ITGBL1: variants seen among roughly 807,000 people sequenced by gnomAD.
ITGBL1 encodes the protein integrin beta-like protein 1.
A neutral mutation model predicts 68.5 loss-of-function variants in ITGBL1; 51 were observed. The ratio of observed to expected loss-of-function variants is 0.74; its 90% CI spans 0.59 to 0.94. ITGBL1 has a LOEUF of 0.94. Ranked by LOEUF, ITGBL1 falls within the 40% of genes least tolerant of loss-of-function variation. The pLI, the probability that ITGBL1 is intolerant of heterozygous loss-of-function variation, is 0.00. For synonymous variants in ITGBL1, 209 were observed against 227.3 expected (o/e 0.92, Z 0.72); for missense variants, 649 against 647.4 (o/e 1.00, Z -0.03).
intron 2 of ITGBL1, among the ~76,000 whole-genome samples, chr13:101,486,661 A>G (rs906357245): frequency 1.3e-5 from 2 of 152,218 alleles, no homozygotes; most frequent in African/African-American, 2.4e-5. Context: ...TCATATTTTA[A>G]AAGTCTAGAC....
chr13:101,643,439 G>A, intron 7 of ITGBL1, among the ~76,000 whole-genome samples: 1 of 151,976 alleles, frequency 6.6e-6, no homozygotes. Flanking sequence ...TGCTGAAGTT[G>A]CCTATCAGCT....
chr13:101,482,230 T>C (rs906114922), intron 2 of ITGBL1, among the ~76,000 whole-genome samples: 1 of 152,188 alleles, frequency 6.6e-6, no homozygotes, highest in Non-Finnish European at 1.5e-5. Context: ...TTTGACCCTT[T>C]AGGTGTGGGT....
chr13:101,509,647 T>C (rs1272022003), intron 2 of ITGBL1, among the ~76,000 whole-genome samples: 1 of 152,160 alleles, frequency 6.6e-6, no homozygotes, highest in East Asian at 1.9e-4. Context: ...AAACTGATCA[T>C]AGTGACTTCC....
intron 2 of ITGBL1, among the ~76,000 whole-genome samples, chr13:101,492,670 G>C (rs1175748956): frequency 1.3e-5 from 2 of 152,098 alleles, no homozygotes; most frequent in Non-Finnish European, 2.9e-5. Flanking sequence ...GAAAGGGTGA[G>C]ATTTTCCTTT....
At chr13:101,690,126 G>A (rs944160388) in intron 7 of ITGBL1, among the ~76,000 whole-genome samples, 1 of 152,146 alleles carries the variant, frequency 6.6e-6, no homozygotes, top group Admixed American at 6.5e-5. Context: ...TTGGAAATTG[G>A]TTACTATATT....
rs913140861 is a variant in ITGBL1, at chr13:101,564,976, C to T, written c.317-2723C>T. Reference sequence around the variant, plus strand: ...ACACTGCCACAAGCCAAGAAATGCCCAAGATTACCTGCAACCACCAGCAAC... The same window carrying T: ...ACACTGCCACAAGCCAAGAAATGCCTAAGATTACCTGCAACCACCAGCAAC... On this transcript the variant is annotated intron_variant, in intron 2 of 10. Coordinates refer to ENST00000376180, the MANE Select transcript of ITGBL1 (RefSeq NM_004791.3). Among the ~76,000 whole-genome samples, 3 of 151,900 alleles carry T rather than the reference C, an allele frequency of 2.0e-5. 1 individual carries two copies. The highest frequency in any genetic ancestry group is 1.3e-4 in the Admixed American group (2 of 15,208).
At chr13:101,469,812 T>C (rs950739158) in intron 2 of ITGBL1, among the ~76,000 whole-genome samples, 9 of 152,216 alleles carry the variant, frequency 5.9e-5, no homozygotes, top group African/African-American at 2.2e-4. Context: ...AACAATCTTT[T>C]CCTTGGGAAA....
chr13:101,579,041 T>C (rs770645600), intron 4 of ITGBL1, among the ~76,000 whole-genome samples: 1 of 152,208 alleles, frequency 6.6e-6, no homozygotes, highest in Non-Finnish European at 1.5e-5. Flanking sequence ...TCTTTAAAAA[T>C]ACTTTTAATC....
chr13:101,535,638 T>C (rs2139170786), intron 2 of ITGBL1, among the ~76,000 whole-genome samples: 1 of 152,256 alleles, frequency 6.6e-6, no homozygotes, highest in South Asian at 2.1e-4. Flanking sequence ...AGAGTTCATA[T>C]ATCAGAACTG....
intron 2 of ITGBL1, among the ~76,000 whole-genome samples, chr13:101,479,612 G>GA (rs35057604): frequency 0.013 from 1,987 of 149,226 alleles, 33 homozygotes; most frequent in African/African-American, 0.045. Context: ...AACTCAACAG[G>GA]AAAAAAAAAA....
chr13:101,605,956 ATATACACATATATAT>A, intron 7 of ITGBL1, among the ~76,000 whole-genome samples: 1 of 148,164 alleles, frequency 6.7e-6, no homozygotes, highest in African/African-American at 2.5e-5. Context: ...ATATATACAC[ATATACACATATATAT>A]GCATATATGT....
chr13:101,537,837 A>C (rs76714900), intron 2 of ITGBL1, among the ~76,000 whole-genome samples: 1,778 of 152,126 alleles, frequency 0.012, 35 homozygotes, highest in African/African-American at 0.04. Flanking sequence ...AGATCCACTG[A>C]GTTTTAGTCA....
chr13:101,538,971 G>A (rs1430920111), intron 2 of ITGBL1, among the ~76,000 whole-genome samples: 1 of 149,222 alleles, frequency 6.7e-6, no homozygotes, highest in East Asian at 2.0e-4. Flanking sequence ...AGTTCACACA[G>A]CAAATCCATG....
At chr13:101,505,678 G>T (rs908672728) in intron 2 of ITGBL1, among the ~76,000 whole-genome samples, 11 of 152,158 alleles carry the variant, frequency 7.2e-5, no homozygotes, top group African/African-American at 2.4e-4. Flanking sequence ...AAAGATCTGA[G>T]GTTTCTACCC....
intron 2 of ITGBL1, among the ~76,000 whole-genome samples, chr13:101,466,706 AAAAAC>A (rs1284509318): frequency 3.3e-5 from 5 of 152,240 alleles, no homozygotes; most frequent in Non-Finnish European, 7.3e-5. Flanking sequence ...TCTGGAAACT[AAAAAC>A]AAAAATATTT....
chr13:101,496,155 A>AT (rs2048854768), intron 2 of ITGBL1, among the ~76,000 whole-genome samples: 1 of 152,140 alleles, frequency 6.6e-6, no homozygotes, highest in African/African-American at 2.4e-5. Flanking sequence ...TATGTAACCT[A>AT]TTTTTGTTGC....
At chr13:101,671,848 A>G (rs190621312) in intron 7 of ITGBL1, among the ~76,000 whole-genome samples, 250 of 152,290 alleles carry the variant, frequency 1.6e-3, no homozygotes, top group Non-Finnish European at 2.1e-3. Flanking sequence ...ATGGCAGTAT[A>G]TATGTTTGTG....
At chr13:101,512,914 C>A (rs772885105) in intron 2 of ITGBL1, among the ~76,000 whole-genome samples, 1 of 152,096 alleles carries the variant, frequency 6.6e-6, no homozygotes, top group African/African-American at 2.4e-5. Flanking sequence ...TGGTGTCCTG[C>A]CCATTTGTGT....
intron 7 of ITGBL1, among the ~76,000 whole-genome samples, chr13:101,686,214 T>C (rs993084028): frequency 1.3e-5 from 2 of 152,138 alleles, no homozygotes; most frequent in African/African-American, 4.8e-5. Context: ...CCACCACCAC[T>C]GCTTTCCCCT....
Sources: allele counts gnomAD v4.1 joint callset (sites outside exome capture counted in the v4.1 genomes callset), GRCh38; gene constraint gnomAD v4.1.1; transcripts MANE v1.5; gene names NCBI Gene and HGNC (gene_info 2026-07-23, HGNC 2026-07-21).